The following NEMP1 variants were observed in gnomAD, a reference collection of about 807,000 sequenced individuals.
NEMP1 encodes the protein nuclear envelope integral membrane protein 1.
In NEMP1, 29 loss-of-function variants were observed where a neutral mutation model predicts 53.7. The observed-to-expected ratio is 0.54, with a 90% CI of 0.40 to 0.74. NEMP1 has a LOEUF of 0.74. NEMP1 is among the 30% of genes least tolerant of loss of function. The probability of loss-of-function intolerance (pLI) is 0.00; values close to 1 mark genes in which losing one functional copy is unlikely to be tolerated. For synonymous variants in NEMP1, 193 were observed against 192.9 expected, an observed-to-expected ratio of 1.00 and a Z score of 0.00; for missense variants, 477 against 528.6, an observed-to-expected ratio of 0.90 and a Z score of 0.96.
chr12:57,076,439 G>A (rs1369048103), intron 1 of NEMP1, among the ~76,000 whole-genome samples: 4 of 151,456 alleles, frequency 2.6e-5, no homozygotes, highest in Admixed American at 6.6e-5. Context: ...TGAGGCGGGC[G>A]GAACACCTGA....
upstream of NEMP1, among the ~76,000 whole-genome samples, chr12:57,082,087 G>A (rs182318683): frequency 1.8e-3 from 268 of 151,874 alleles, 1 homozygote; most frequent in African/African-American, 6.2e-3. Context: ...CGTATGGCGG[G>A]CACCTGTAAA....
chr12:57,063,336 G>A lies in NEMP1; in HGVS notation c.763C>T (p.Leu255Phe), dbSNP rs936443652. 6.2e-7 allele frequency: 1 copy of A among 1,613,736 alleles called. No individual in the cohort carries two copies. Among genetic ancestry groups the A allele is most frequent in the Non-Finnish European group, 8.5e-7 (1 of 1,179,678 alleles). Residue 255 changes from leucine to phenylalanine, a missense_variant, in exon 7 of 9, where the codon CTC becomes TTC. By Grantham distance (22) the Leu-to-Phe change is conservative. Transcript: ENST00000300128. ...GCAAAACTCATGAATCCAACTGTGA[G>A]GACATAACCTATGAGAAGAGTTATC... ...CYWQYLLSYV[L>F]TVGFMSFAVC...
upstream of NEMP1, among the ~76,000 whole-genome samples, chr12:57,079,654 T>A (rs190416859): frequency 1.7e-3 from 265 of 152,326 alleles, 1 homozygote; most frequent in African/African-American, 6.1e-3. Flanking sequence ...ACTTTTTTTT[T>A]AAGAGGATCT....
At chr12:57,065,603 C>G (rs1363770323) in intron 4 of NEMP1, among the ~76,000 whole-genome samples, 1 of 151,158 alleles carries the variant, frequency 6.6e-6, no homozygotes, top group Non-Finnish European at 1.5e-5. Context: ...CTCACTGCAG[C>G]CTTGATCTAC....
At chr12:57,063,866 T>C (rs1027050745) in intron 6 of NEMP1, among the ~76,000 whole-genome samples, 8 of 151,930 alleles carry the variant, frequency 5.3e-5, no homozygotes, top group Non-Finnish European at 8.8e-5. Flanking sequence ...TAAATGAACA[T>C]CTTCGCCTTA....
At position 57,060,766 on chromosome 12, in the gene NEMP1, GT is replaced by G. The variant is rs1302100072; in HGVS notation, c.1154+5del. On this transcript the variant is annotated splice_donor_5th_base_variant and intron_variant, in intron 8 of 8. Transcript: ENST00000300128. ...ATAGATGCTTGGTATATCTGGCCGA[GT>G]TTACCTTTTTGGAGACTGGATTCGA... The G allele has an allele frequency of 6.2e-7, 1 of 1,610,282 alleles. No homozygotes were observed. Among genetic ancestry groups the G allele is most frequent in the Non-Finnish European group, 8.5e-7 (1 of 1,178,490 alleles).
rs1278076034 is a variant in NEMP1, at chr12:57,056,966, T to C, written c.*2913A>G. 2 of 152,144 alleles carry C rather than the reference T, an allele frequency of 1.3e-5. No individual in the cohort carries two copies. Among genetic ancestry groups the C allele is most frequent in the African/African-American group, 4.8e-5 (2 of 41,502 alleles). 9.4% of individuals were successfully genotyped at this position (152,144 alleles called of 1,614,324 possible). A position where few individuals can be genotyped will look rare whatever the true frequency, so the allele number is the denominator to read the frequency against. ...GAATTTGAGGGGAAAAATAAACTAG[T>C]TTTGGTGGGATGCAGTGGCTAACAG... is the stretch of plus-strand genomic sequence containing the variant. On this transcript the variant is annotated 3_prime_UTR_variant, in exon 9 of 9. Transcript: ENST00000300128.
At chr12:57,062,957 TAA>T (rs537788787) in intron 7 of NEMP1, among the ~76,000 whole-genome samples, 160 bp downstream of exon 7, 3 of 138,788 alleles carry the variant, frequency 2.2e-5, no homozygotes, top group Admixed American at 7.2e-5. Context: ...CTATAGAAAG[TAA>T]AAAAAAAAAA....
Position 57,064,134 on chromosome 12 carries a change from G to C in NEMP1, c.691C>G (p.Leu231Val). 2 of 1,610,588 alleles carry C rather than the reference G, an allele frequency of 1.2e-6. No individual in the cohort carries two copies. Among genetic ancestry groups the C allele is most frequent in the Non-Finnish European group, 1.7e-6 (2 of 1,178,852 alleles). The change falls in exon 6 of 9, where the codon CTC becomes GTC. Residue 231 changes from leucine to valine, a missense_variant. Leu to Val is a conservative substitution (Grantham distance 32, BLOSUM62 1). Coordinates refer to ENST00000300128, the MANE Select transcript of NEMP1 (RefSeq NM_001130963.2). The part of the protein sequence containing the change: ...LVGGWSFSLY[L>V]IQLVFKNLQE... ...AAATTTTTAAAAACTAGTTGAATGA[G>C]GTACAGAGAAAAAGACCAGCCTCCC...
chr12:57,059,645 A>C lies in NEMP1; in HGVS notation c.*234T>G. The stretch of plus-strand genomic sequence containing the variant: ...AAACATAAAAGTGGGCTGTTAGCTT[A>C]ACCAATGGGAAGTGAACTACCCAGC... On this transcript the variant is annotated 3_prime_UTR_variant, in exon 9 of 9. Coordinates refer to ENST00000300128, the MANE Select transcript of NEMP1 (RefSeq NM_001130963.2). 1 of 383,738 alleles carries C rather than the reference A, an allele frequency of 2.6e-6. No individual in the cohort carries two copies. Among genetic ancestry groups the C allele is most frequent in the Non-Finnish European group, 4.7e-6 (1 of 213,204 alleles). The allele number at this position is 383,738 out of a possible 1,614,324, so 23.8% of individuals were successfully genotyped here.
chr12:57,074,365 C>T (rs1041680830), intron 1 of NEMP1, among the ~76,000 whole-genome samples: 2 of 147,780 alleles, frequency 1.4e-5, no homozygotes, highest in African/African-American at 5.0e-5. Flanking sequence ...GATCTTGGCT[C>T]ACTGCAACCT....
At chr12:57,082,195 G>T (rs116664662), upstream of NEMP1, among the ~76,000 whole-genome samples, 1 of 152,134 alleles carries the variant, frequency 6.6e-6, no homozygotes, top group Admixed American at 6.6e-5. Context: ...ACTCCAGCCC[G>T]GTGACAGAGT....
intron 8 of NEMP1, 81 bp from the exon 9 acceptor site, chr12:57,060,140 C>A: frequency 1.5e-6 from 2 of 1,325,014 alleles, no homozygotes; most frequent in Non-Finnish European, 2.1e-6. Context: ...CAAATTAAAG[C>A]CCTCGATATG....
chr12:57,082,392 T>A (rs1453325186), upstream of NEMP1, among the ~76,000 whole-genome samples: 3 of 152,212 alleles, frequency 2.0e-5, no homozygotes, highest in African/African-American at 7.2e-5. Flanking sequence ...TATTATCTTT[T>A]CAATTTTTCT....
At chr12:57,064,019 A>C in intron 6 of NEMP1, 52 bp downstream of exon 6, 1 of 1,089,542 alleles carries the variant, frequency 9.2e-7, no homozygotes, top group Non-Finnish European at 1.3e-6. Context: ...GATCAAATTA[A>C]CTGAAACAGC....
rs143501202 is a variant in NEMP1 at position 57,063,107 on chromosome 12, C to T, written c.980+12G>A. On this transcript the variant is annotated intron_variant, in intron 7 of 8. Transcript: ENST00000300128. ...TACCTGTCAATATTAAGTTACATTG[C>T]CTTTCAGTCACCTGCAGGTGATGTA... The T allele has an allele frequency of 1.1e-4, 183 of 1,595,306 alleles. No individual in the cohort carries two copies. The African/African-American group carries it at 2.4e-3, about 21-fold the overall frequency.
intron 2 of NEMP1, among the ~76,000 whole-genome samples, chr12:57,071,117 A>G (rs1181444606): frequency 2.0e-5 from 3 of 152,230 alleles, no homozygotes; most frequent in African/African-American, 7.2e-5. Context: ...CTTCTTGTTA[A>G]CATGATCTGA....
intron 7 of NEMP1, among the ~76,000 whole-genome samples, chr12:57,062,704 T>C (rs1223993116): frequency 6.7e-6 from 1 of 150,024 alleles, no homozygotes; most frequent in African/African-American, 2.5e-5. Flanking sequence ...ATTAGCTGAA[T>C]GTGGTGGCGC....
Position 57,063,141 on chromosome 12 carries a change from G to A in NEMP1, c.958C>T (p.Gln320Ter). The A allele has an allele frequency of 6.2e-7, 1 of 1,613,832 alleles. No individual in the cohort carries two copies. The highest frequency in any genetic ancestry group is 8.5e-7 in the Non-Finnish European group (1 of 1,179,716). Residue 320 changes from glutamine (Q) to a stop codon, truncating the protein, a stop_gained, in exon 7 of 9, where the codon CAG (glutamine) becomes TAG (stop). Transcript: ENST00000300128. LOFTEE classifies it high-confidence loss of function. ...CACCTGCAGGTGATGTACAGCCACT[G>A]AATAGGGTGTTCCAGGTTCTTAGTA... The part of the protein sequence containing the change: ...LCTKNLEHPI[Q>*]WLYITCRKVC...
Sources: allele counts gnomAD v4.1 joint callset (sites outside exome capture counted in the v4.1 genomes callset), GRCh38; gene constraint gnomAD v4.1.1; transcripts MANE v1.5; gene names NCBI Gene and HGNC (gene_info 2026-07-23, HGNC 2026-07-21).